Variants in SLC22A5 observed in about 807,000 individuals in gnomAD.
The protein encoded by SLC22A5 is organic cation/carnitine transporter 2.
In SLC22A5, 44 loss-of-function variants were observed where a neutral mutation model predicts 56.7. The observed-to-expected ratio is 0.78, with a 90% CI of 0.61 to 1.00. SLC22A5 has a LOEUF of 1.00. SLC22A5 is among the 50% of genes least tolerant of loss of function. The pLI, the probability that SLC22A5 is intolerant of heterozygous loss-of-function variation, is 0.00. For missense variants in SLC22A5, 675 were observed against 723.0 expected (o/e 0.93, Z 0.76); for synonymous variants, 278 against 292.1 (o/e 0.95, Z 0.49).
intron 1 of SLC22A5, 193 bp from the exon 2 acceptor site, chr5:132,378,185 G>A (rs770872734): frequency 6.2e-7 from 1 of 1,600,002 alleles, no homozygotes; most frequent in Non-Finnish European, 8.5e-7. Context: ...GGCCTACAAT[G>A]CTATGAAAAA....
At chr5:132,388,580 G>A (rs758391036) in intron 5 of SLC22A5, among the ~76,000 whole-genome samples, 48 of 152,138 alleles carry the variant, frequency 3.2e-4, no homozygotes, top group Non-Finnish European at 5.0e-4. Context: ...GCCAGGCTTC[G>A]GGAGGAATAC....
chr5:132,387,184 AGACT>A, intron 5 of SLC22A5, 33 bp downstream of exon 5: 1 of 1,613,604 alleles, frequency 6.2e-7, no homozygotes, highest in Non-Finnish European at 8.5e-7. Context: ...TGAGAGGGAC[AGACT>A]GACCGTGATT....
chr5:132,393,392 G>A (rs1752773516), intron 8 of SLC22A5, among the ~76,000 whole-genome samples: 1 of 152,160 alleles, frequency 6.6e-6, no homozygotes, highest in Admixed American at 6.5e-5. Context: ...GCATGGCCCA[G>A]AAATAGGAAT....
At chr5:132,385,080 A>G (rs1171651327) in intron 3 of SLC22A5, among the ~76,000 whole-genome samples, 2 of 152,220 alleles carry the variant, frequency 1.3e-5, no homozygotes, top group African/African-American at 4.8e-5. Flanking sequence ...TCTTTAGCAC[A>G]TGGCTTCAGA....
At position 132,372,197 on chromosome 5, in the gene SLC22A5, A is replaced by G. The variant is rs548624673; in HGVS notation, c.393+1832A>G. 5.9e-5 allele frequency among the ~76,000 whole-genome samples: 9 copies of G among 152,218 alleles called. No individual in the cohort carries two copies. The East Asian group carries it at 1.7e-3, about 30-fold the overall frequency. ...GGCCCATGAATCCACAGGAAATTGG[A>G]ACCTTCAGTTGCCACAAATCCTGGG... On this transcript the variant is annotated intron_variant, in intron 1 of 9. Transcript: ENST00000245407.
chr5:132,386,883 C>A, intron 4 of SLC22A5, 142 bp from the exon 5 acceptor site: 2 of 900,684 alleles, frequency 2.2e-6, no homozygotes. Context: ...TGGATCAGCT[C>A]TTTGCTTCTG....
chr5:132,370,735 G>A (rs995168446), intron 1 of SLC22A5, among the ~76,000 whole-genome samples: 7 of 152,290 alleles, frequency 4.6e-5, no homozygotes, highest in Admixed American at 3.9e-4. Context: ...TGGGCCAGGG[G>A]CTATCCCGTT....
chr5:132,381,624 G>A (rs1752351270), intron 2 of SLC22A5: 1 of 152,196 alleles, frequency 6.6e-6, no homozygotes, highest in South Asian at 2.1e-4. Flanking sequence ...CTATGAATAT[G>A]TCTGAAATTC....
rs550659326 is a variant in SLC22A5, at chr5:132,369,804, G to A, written c.-169G>A. 60 of 832,722 alleles carry A rather than the reference G, an allele frequency of 7.2e-5. No homozygotes were observed. The highest frequency in any genetic ancestry group is 9.4e-5 in the Non-Finnish European group (53 of 564,186). The allele number at this position is 832,722 out of a possible 1,614,324, so 51.6% of individuals were successfully genotyped here. On this transcript the variant is annotated 5_prime_UTR_variant, in exon 1 of 10. Coordinates refer to ENST00000245407, the MANE Select transcript of SLC22A5 (RefSeq NM_003060.4). ...TCGTGCGCCCTATGTAAGGCCAGCCGCGGCAGGACCAAGGCGGCGGTGTCA... is the reference window on the plus strand; with the variant it reads ...TCGTGCGCCCTATGTAAGGCCAGCCACGGCAGGACCAAGGCGGCGGTGTCA...
chr5:132,382,983 C>G (rs1372266805), intron 2 of SLC22A5: 1 of 152,128 alleles, frequency 6.6e-6, no homozygotes, highest in African/African-American at 2.4e-5. Flanking sequence ...TTAAAACAAA[C>G]CAAAATAAAC....
At chr5:132,378,830 A>C in intron 2 of SLC22A5, 1 of 358,186 alleles carries the variant, frequency 2.8e-6, no homozygotes, top group East Asian at 7.0e-5. Flanking sequence ...GACATCATGC[A>C]CACATGCACA....
At chr5:132,374,651 A>G (rs1020930900) in intron 1 of SLC22A5, among the ~76,000 whole-genome samples, 1 of 152,122 alleles carries the variant, frequency 6.6e-6, no homozygotes, top group Admixed American at 6.5e-5. Flanking sequence ...TACATAGTAG[A>G]CACATCTGGC....
In SLC22A5 at chr5:132,393,735, A is replaced by G. The variant is rs1417574754; in HGVS notation, c.1510A>G (p.Ile504Val). 3 of 1,613,996 alleles carry G rather than the reference A, an allele frequency of 1.9e-6. No homozygotes were observed. The highest frequency in any genetic ancestry group is 1.7e-5 in the Admixed American group (1 of 60,008). ...LMGSLTILTA[I>V]LTLFLPESFG... ...GGGAAGTCTGACCATCCTGACAGCC[A>G]TCCTCACCTTGTTTCTCCCAGAGAG... is the stretch of plus-strand genomic sequence containing the variant. Residue 504 changes from isoleucine to valine, a missense_variant, in exon 9 of 10, where the codon ATC becomes GTC. By Grantham distance (29) the Ile-to-Val change is conservative (BLOSUM62 3). Transcript: ENST00000245407.
intron 2 of SLC22A5, 36 bp from the exon 3 acceptor site, chr5:132,384,111 C>T: frequency 6.2e-7 from 1 of 1,612,820 alleles, no homozygotes; most frequent in Non-Finnish European, 8.5e-7. Flanking sequence ...CTGCCCTTTT[C>T]CAGCTGGTTA....
At chr5:132,382,411 G>A (rs1415247142) in intron 2 of SLC22A5, 1 of 120,648 alleles carries the variant, frequency 8.3e-6, no homozygotes, top group Non-Finnish European at 1.6e-5. Flanking sequence ...CTTTAACCAT[G>A]CTGGCTAATT....
At chr5:132,385,939 G>C (rs1752511427) in intron 4 of SLC22A5, among the ~76,000 whole-genome samples, 1 of 152,228 alleles carries the variant, frequency 6.6e-6, no homozygotes, top group African/African-American at 2.4e-5. Flanking sequence ...TAGAGGAGTT[G>C]AACAGGCAGA....
chr5:132,392,354 A>G, intron 7 of SLC22A5, 79 bp from the exon 8 acceptor site: 1 of 1,356,374 alleles, frequency 7.4e-7, no homozygotes. Context: ...TTTGGGAAGA[A>G]AGTATGTTTG....
In SLC22A5 at chr5:132,393,778, CA is replaced by C. The variant is rs1554088578; in HGVS notation, c.1554del (p.Asp519ThrfsTer7). 1 of 1,614,176 alleles carries C rather than the reference CA, an allele frequency of 6.2e-7. No homozygotes were observed. The highest frequency in any genetic ancestry group is 8.5e-7 in the Non-Finnish European group (1 of 1,180,020). ...FLPESFGTPLPDTIDQMLRVK... is the reference protein window; with the variant it reads ...FLPESFGTPLXDTIDQMLRVK... ...CCAGAGAGCTTCGGTACCCCACTCC[CA>C]GACACCATTGACCAGATGCTAAGAG... On this transcript the variant is annotated frameshift_variant, in exon 9 of 10. Transcript: ENST00000245407. LOFTEE classifies it high-confidence loss of function.
chr5:132,378,422 C>A lies in SLC22A5; in HGVS notation c.438C>A (p.Ile146=). ...CEDDWKAPLT[I]SLFFVGVLLG... is the part of the protein sequence containing the mutation. ...ACGACTGGAAGGCCCCACTCACAAT[C>A]TCCTTGTTCTTCGTGGGTGTGCTGT... The change falls in exon 2 of 10, where the codon ATC becomes ATA. Residue 146 remains isoleucine (I), a synonymous_variant. Transcript: ENST00000245407. The A allele has an allele frequency of 1.2e-6, 2 of 1,614,254 alleles. No homozygotes were observed. The highest frequency in any genetic ancestry group is 1.1e-5 in the South Asian group (1 of 91,084).
Sources: allele counts gnomAD v4.1 joint callset (sites outside exome capture counted in the v4.1 genomes callset), GRCh38; gene constraint gnomAD v4.1.1; transcripts MANE v1.5; gene names NCBI Gene and HGNC (gene_info 2026-07-23, HGNC 2026-07-21).